SLC2A12: variants seen among roughly 807,000 people sequenced by gnomAD.
SLC2A12 encodes solute carrier family 2 member 12, also known as solute carrier family 2, facilitated glucose transporter member 12.
In SLC2A12, 23 loss-of-function variants were observed where a neutral mutation model predicts 41.8. The ratio of observed to expected loss-of-function variants is 0.55; its 90% CI spans 0.40 to 0.78. The LOEUF is 0.78. Ranked by LOEUF, SLC2A12 falls within the 30% of genes least tolerant of loss-of-function variation. The probability of loss-of-function intolerance (pLI) is 0.00; values close to 1 mark genes in which losing one functional copy is unlikely to be tolerated. For missense variants in SLC2A12, 654 were observed against 745.6 expected, an observed-to-expected ratio of 0.88 and a Z score of 1.43; for synonymous variants, 295 against 285.9, an observed-to-expected ratio of 1.03 and a Z score of -0.32.
In SLC2A12 at chr6:133,990,180, ACAT is replaced by A. The variant is rs1776601235; in HGVS notation, c.*972_*974del. ...ATTTATTGTGTCTTCAGTTATCTGA[ACAT>A]CATCATCAATTATAGCCTGTGTACC... On this transcript the variant is annotated 3_prime_UTR_variant, in exon 5 of 5. Coordinates refer to ENST00000275230, the MANE Select transcript of SLC2A12 (RefSeq NM_145176.3). 1 of 152,644 alleles carries A rather than the reference ACAT, an allele frequency of 6.6e-6. No individual in the cohort carries two copies. Among genetic ancestry groups the A allele is most frequent in the African/African-American group, 2.4e-5 (1 of 41,466 alleles). 9.5% of individuals were successfully genotyped at this position (152,644 alleles called of 1,614,324 possible).
chr6:134,009,203 C>T (rs1000092196), intron 2 of SLC2A12: 1 of 152,180 alleles, frequency 6.6e-6, no homozygotes, highest in African/African-American at 2.4e-5. Flanking sequence ...TCGAGATCCA[C>T]ATTGCAAGCC....
intron 2 of SLC2A12, among the ~76,000 whole-genome samples, chr6:134,014,487 C>A (rs1428923176): frequency 6.6e-6 from 1 of 152,182 alleles, no homozygotes; most frequent in Non-Finnish European, 1.5e-5. Context: ...AGAAATTAGT[C>A]TTTTCTAGTT....
At chr6:134,006,193 C>CAAAAAAAAAAAAAAAAAAAA (rs571711008) in intron 3 of SLC2A12, among the ~76,000 whole-genome samples, 1 of 121,604 alleles carries the variant, frequency 8.2e-6, no homozygotes, top group African/African-American at 3.0e-5. Context: ...AAAAAAAAAA[C>CAAAAAAAAAAAAAAAAAAAA]AAAAAAAAAA....
At chr6:134,032,557 C>T (rs1777233376) in intron 1 of SLC2A12, among the ~76,000 whole-genome samples, 1 of 144,286 alleles carries the variant, frequency 6.9e-6, no homozygotes, top group African/African-American at 2.6e-5. Context: ...CAGAATTTAG[C>T]TGTGGTCTCA....
intron 2 of SLC2A12, among the ~76,000 whole-genome samples, chr6:134,011,650 T>A (rs533450849): frequency 6.0e-4 from 91 of 152,196 alleles, no homozygotes; most frequent in Non-Finnish European, 1.2e-3. Context: ...TGAATTAAGT[T>A]ATTAACAGGA....
intron 2 of SLC2A12, among the ~76,000 whole-genome samples, chr6:134,023,085 TC>T (rs1401588797): frequency 6.6e-6 from 1 of 152,144 alleles, no homozygotes. Flanking sequence ...CCCAGATATG[TC>T]TATGAACCAT....
rs188581731 is a variant in SLC2A12 at position 134,034,888 on chromosome 6, G to A, written c.104-5167C>T. Among the ~76,000 whole-genome samples the A allele has an allele frequency of 1.8e-3, 279 of 152,250 alleles. 2 individuals are homozygous for A. The highest frequency in any genetic ancestry group is 6.2e-3 in the African/African-American group (258 of 41,540). ...AGCATTCCCAGTCATTTTGCTCATG[G>A]CTTTGCTTCACAGGGGCCCTTCCTT... On this transcript the variant is annotated intron_variant, in intron 1 of 4. Transcript: ENST00000275230.
chr6:134,008,262 T>C (rs1029044148), intron 2 of SLC2A12, among the ~76,000 whole-genome samples: 1 of 152,206 alleles, frequency 6.6e-6, no homozygotes, highest in African/African-American at 2.4e-5. Flanking sequence ...GACAAGATTA[T>C]GCCCTGTAGA....
At position 133,992,799 on chromosome 6, in the gene SLC2A12, G is replaced by C. The variant is rs569798719; in HGVS notation, c.1701-1491C>G. The stretch of plus-strand genomic sequence containing the variant: ...TTGAAGTGCCAGTACTTGAGGAAGT[G>C]GGCTGGAGAGATGAGTGGTTAGAGG... On this transcript the variant is annotated intron_variant, in intron 4 of 4. Transcript: ENST00000275230. Among the ~76,000 whole-genome samples, 3 of 152,280 alleles carry C rather than the reference G, an allele frequency of 2.0e-5. No homozygotes were observed. The East Asian group carries it at 5.8e-4, about 29-fold the overall frequency.
At position 134,002,037 on chromosome 6, in the gene SLC2A12, C is replaced by T. The variant is rs1383775492; in HGVS notation, c.1660G>A (p.Gly554Arg). Reference sequence around the variant, plus strand: ...ATTGATATTTGTTCCAAAGAGCATCCCTTTGTCTCAGGTATAAACATAACA... The same window carrying T: ...ATTGATATTTGTTCCAAAGAGCATCTCTTTGTCTCAGGTATAAACATAACA... ...FVVMFIPETK[G>R]CSLEQISMEL... is the part of the protein sequence containing the mutation. The change falls in exon 4 of 5, where the codon GGA (glycine) becomes AGA (arginine). Residue 554 changes from glycine (G) to arginine (R), a missense_variant. Around this residue, in one of 3 missense-constraint regions of SLC2A12, gnomAD observed 134 missense variants for 180.5 expected, o/e 0.74. Coordinates refer to ENST00000275230, the MANE Select transcript of SLC2A12 (RefSeq NM_145176.3). 3.7e-6 allele frequency: 6 copies of T among 1,607,666 alleles called. No homozygotes were observed. The highest frequency in any genetic ancestry group is 1.7e-5 in the Admixed American group (1 of 58,556).
chr6:134,028,568 G>A lies in SLC2A12; in HGVS notation c.1257C>T (p.Leu419=). 2 of 1,614,212 alleles carry A rather than the reference G, an allele frequency of 1.2e-6. No homozygotes were observed. Among genetic ancestry groups the A allele is most frequent in the Non-Finnish European group, 1.7e-6 (2 of 1,180,022 alleles). ...KGISSHSRSS[L]MPLRNDVDKR... ...TATCCACATCATTTCTCAGGGGCAT[G>A]AGTGAGCTTCTGCTATGGGAAGAAA... The change falls in exon 2 of 5, where the codon CTC becomes CTT. Residue 419 remains leucine (L), a synonymous_variant. Transcript: ENST00000275230.
At chr6:134,019,853 C>G (rs1777018058) in intron 2 of SLC2A12, among the ~76,000 whole-genome samples, 3 of 152,074 alleles carry the variant, frequency 2.0e-5, no homozygotes, top group Admixed American at 1.3e-4. Flanking sequence ...AAAACCCCGT[C>G]TCTACTAAAA....
chr6:134,032,426 T>TATATATA (rs1777223371), intron 1 of SLC2A12, among the ~76,000 whole-genome samples: 11 of 35,498 alleles, frequency 3.1e-4, no homozygotes, highest in South Asian at 2.7e-3. Flanking sequence ...ATATATATAT[T>TATATATA]TATATATATA....
rs73552760 is a variant in SLC2A12, at chr6:134,047,096, C to T, written c.103+5282G>A. On this transcript the variant is annotated intron_variant, in intron 1 of 4. Coordinates refer to ENST00000275230, the MANE Select transcript of SLC2A12 (RefSeq NM_145176.3). ...CGCATTTGATATTTGGTCAAATAGCCTCTTGGGAAGGAGCCAATTCCAACT... is the reference window on the plus strand; with the variant it reads ...CGCATTTGATATTTGGTCAAATAGCTTCTTGGGAAGGAGCCAATTCCAACT... Among the ~76,000 whole-genome samples, 403 of 152,240 alleles carry T rather than the reference C, an allele frequency of 2.6e-3. 1 individual carries two copies. The highest frequency in any genetic ancestry group is 9.2e-3 in the African/African-American group (382 of 41,556).
intron 3 of SLC2A12, among the ~76,000 whole-genome samples, chr6:134,005,007 A>T (rs1776795085): frequency 6.6e-6 from 1 of 152,132 alleles, no homozygotes; most frequent in African/African-American, 2.4e-5. Flanking sequence ...TATCGTTTTT[A>T]AAAAAATAAA....
Position 134,029,567 on chromosome 6 carries a change from G to A in SLC2A12, c.258C>T (p.Leu86=), listed in dbSNP as rs776547823. ...GTGAGGCAAGGAGGGCTCCAATGAC[G>A]AGGGAGCTCACAACCATTTCCTGCT... ...CHEQEMVVSS[L]VIGALLASLT... The change falls in exon 2 of 5, where the codon CTC becomes CTT. Residue 86 remains leucine, a synonymous_variant. Transcript: ENST00000275230. 24 of 1,614,000 alleles carry A rather than the reference G, an allele frequency of 1.5e-5. No individual in the cohort carries two copies. The highest frequency in any genetic ancestry group is 2.7e-5 in the African/African-American group (2 of 74,918).
chr6:134,008,792 CT>C (rs946609387), intron 2 of SLC2A12, among the ~76,000 whole-genome samples: 158 of 152,326 alleles, frequency 1.0e-3, no homozygotes, highest in African/African-American at 3.7e-3. Flanking sequence ...TCCCTATACC[CT>C]TTCCTGGCAT....
At chr6:134,000,108 A>G (rs906105405) in intron 4 of SLC2A12, among the ~76,000 whole-genome samples, 2 of 152,186 alleles carry the variant, frequency 1.3e-5, no homozygotes, top group Non-Finnish European at 2.9e-5. Context: ...AGTTAGTCCA[A>G]GGATATAGCC....
chr6:134,028,205 C>T (rs1479195850), intron 2 of SLC2A12, among the ~76,000 whole-genome samples, 176 bp downstream of exon 2: 1 of 152,180 alleles, frequency 6.6e-6, no homozygotes, highest in Non-Finnish European at 1.5e-5. Context: ...CAGTTGAATA[C>T]TAGCCCTGTA....
Sources: gnomAD v4.1 joint callset for allele counts (sites outside exome capture counted in the v4.1 genomes callset) on GRCh38, gnomAD v4.1.1 for gene constraint, gnomAD v4.1.1 regional missense constraint, MANE v1.5 for transcripts, NCBI Gene and HGNC (gene_info 2026-07-23, HGNC 2026-07-21) for gene names.